Variants in SPMIP2 observed in about 807,000 individuals in gnomAD.
The protein encoded by SPMIP2 is sperm microtubule inner protein 2.
chr4:158,978,179 C>T, the SPMIP2 span, among the ~76,000 whole-genome samples: 1 of 152,274 alleles, frequency 6.6e-6, no homozygotes, highest in South Asian at 2.1e-4. Flanking sequence ...GTTATTTACC[C>T]AGTAGTCATT....
At chr4:158,986,025 C>A in the SPMIP2 span, among the ~76,000 whole-genome samples, 1 of 148,622 alleles carries the variant, frequency 6.7e-6, no homozygotes. Context: ...GAGTGAATTC[C>A]CATTCACAAT....
chr4:159,052,632 T>TTTA, the SPMIP2 span, among the ~76,000 whole-genome samples: 2 of 149,238 alleles, frequency 1.3e-5, no homozygotes, highest in East Asian at 1.9e-4. Context: ...TTATTATTAT[T>TTTA]TTATTATTAT....
the SPMIP2 span, among the ~76,000 whole-genome samples, chr4:158,986,639 A>C: frequency 1.3e-5 from 2 of 152,278 alleles, no homozygotes; most frequent in Admixed American, 6.5e-5. Flanking sequence ...TTCAAGATGG[A>C]TTAAAGTCTT....
At chr4:159,066,148 T>C in the SPMIP2 span, among the ~76,000 whole-genome samples, 1 of 152,174 alleles carries the variant, frequency 6.6e-6, no homozygotes, top group African/African-American at 2.4e-5. Context: ...ATTTACCTTT[T>C]ACGCAAATTT....
At chr4:159,007,228 C>T in the SPMIP2 span, 22 of 1,381,020 alleles carry the variant, frequency 1.6e-5, no homozygotes, top group Admixed American at 1.7e-5. Context: ...CAGATTCTTG[C>T]CACAGAAAAT....
At chr4:158,956,879 T>C in the SPMIP2 span, among the ~76,000 whole-genome samples, 35,618 of 152,138 alleles carry the variant, frequency 0.23, 4,501 homozygotes, top group Non-Finnish European at 0.29. Flanking sequence ...CACTGAAAAC[T>C]CAAGATGGGC....
At chr4:158,995,751 G>A in the SPMIP2 span, among the ~76,000 whole-genome samples, 2 of 151,210 alleles carry the variant, frequency 1.3e-5, no homozygotes, top group Non-Finnish European at 2.9e-5. Context: ...CAGCTACTCA[G>A]GAGGCTGAGG....
At chr4:158,997,277 C>G in the SPMIP2 span, among the ~76,000 whole-genome samples, 1 of 146,154 alleles carries the variant, frequency 6.8e-6, no homozygotes, top group African/African-American at 2.5e-5. Flanking sequence ...GTTGCCCAGG[C>G]TGGAGTACAA....
At chr4:159,051,230 G>GT in the SPMIP2 span, among the ~76,000 whole-genome samples, 1 of 152,132 alleles carries the variant, frequency 6.6e-6, no homozygotes, top group Non-Finnish European at 1.5e-5. Flanking sequence ...GGTAAATGTG[G>GT]TTTGAATTAT....
the SPMIP2 span, among the ~76,000 whole-genome samples, chr4:158,992,050 T>C: frequency 6.6e-6 from 1 of 150,628 alleles, no homozygotes; most frequent in African/African-American, 2.5e-5. Context: ...GGCCATCACA[T>C]TTGGCTAATT....
At chr4:159,048,714 T>A in the SPMIP2 span, among the ~76,000 whole-genome samples, 1 of 151,620 alleles carries the variant, frequency 6.6e-6, no homozygotes, top group African/African-American at 2.4e-5. Flanking sequence ...ACTAATAATT[T>A]TTTCTCTCCC....
the SPMIP2 span, among the ~76,000 whole-genome samples, chr4:158,900,877 A>G: frequency 1.3e-5 from 2 of 152,182 alleles, no homozygotes; most frequent in Non-Finnish European, 2.9e-5. Flanking sequence ...TCCTGTCATT[A>G]TGATGCTAGT....
chr4:158,971,980 A>G, the SPMIP2 span, among the ~76,000 whole-genome samples: 1 of 152,224 alleles, frequency 6.6e-6, no homozygotes. Flanking sequence ...GATTTGCCCA[A>G]GGTCACAGAG....
At chr4:158,905,691 A>C in the SPMIP2 span, 1 of 48,540 alleles carries the variant, frequency 2.1e-5, no homozygotes, top group South Asian at 1.1e-3. Context: ...CCTAAAGTTC[A>C]TGCAAAAAAA....
At chr4:159,016,550 G>GTTAT in the SPMIP2 span, among the ~76,000 whole-genome samples, 3 of 152,138 alleles carry the variant, frequency 2.0e-5, no homozygotes, top group Non-Finnish European at 4.4e-5. Context: ...GATTAAGTTG[G>GTTAT]TTATTTATTT....
the SPMIP2 span, among the ~76,000 whole-genome samples, chr4:158,942,188 G>A: frequency 1.3e-5 from 2 of 152,198 alleles, no homozygotes; most frequent in Non-Finnish European, 2.9e-5. Context: ...ATTGTCAAAT[G>A]TGTGGTAATT....
At chr4:159,003,466 T>C in the SPMIP2 span, among the ~76,000 whole-genome samples, 2 of 152,224 alleles carry the variant, frequency 1.3e-5, no homozygotes, top group Non-Finnish European at 2.9e-5. Context: ...TGCCTGATGA[T>C]AGCTATTATC....
chr4:158,984,809 AC>A, the SPMIP2 span, among the ~76,000 whole-genome samples: 1 of 151,582 alleles, frequency 6.6e-6, no homozygotes, highest in Non-Finnish European at 1.5e-5. Context: ...AAACAGAGAC[AC>A]AAAAAACCCT....
At chr4:159,048,851 T>C in the SPMIP2 span, among the ~76,000 whole-genome samples, 1 of 150,978 alleles carries the variant, frequency 6.6e-6, no homozygotes, top group Non-Finnish European at 1.5e-5. Flanking sequence ...ATTACAGATA[T>C]GCGACACCAT....
Sources: allele counts gnomAD v4.1 joint callset (sites outside exome capture counted in the v4.1 genomes callset), GRCh38; gene constraint gnomAD v4.1.1; transcripts MANE v1.5; gene names NCBI Gene and HGNC (gene_info 2026-07-23, HGNC 2026-07-21).